Variants in CDV3 observed in about 807,000 individuals in gnomAD.
CDV3 encodes CDV3 homolog.
Under a neutral mutation model 24.5 loss-of-function variants are expected in CDV3, and 14 were observed. The ratio of observed to expected loss-of-function variants is 0.57; its 90% CI spans 0.38 to 0.89. The LOEUF is 0.89. Among genes scored for constraint, CDV3 ranks in the 40% least tolerant of loss-of-function variants. CDV3 has a pLI of 0.00. For synonymous variants in CDV3, 114 were observed against 114.1 expected (o/e 1.00, Z 0.00); for missense variants, 304 against 310.2 (o/e 0.98, Z 0.15).
Position 133,588,010 on chromosome 3 carries a change from T to G in CDV3, c.741T>G (p.Leu247=). 6.2e-7 allele frequency: 1 copy of G among 1,614,000 alleles called. No individual in the cohort carries two copies. The highest frequency in any genetic ancestry group is 1.1e-5 in the South Asian group (1 of 91,078). The change falls in exon 5 of 5, where the codon CTT becomes CTG. Residue 247 remains leucine (L), a synonymous_variant. Coordinates refer to ENST00000264993, the MANE Select transcript of CDV3 (RefSeq NM_017548.5). ...AGCTAGACAACCAATATGCTGTGCT[T>G]GAAAATCAGAAAAGCAGCCACTCAC... ...KLQLDNQYAV[L]ENQKSSHSQY... is the part of the protein sequence containing the mutation.
In CDV3 at chr3:133,574,014, C is replaced by G. The variant is rs201192440; in HGVS notation, c.-31C>G. The stretch of plus-strand genomic sequence containing the variant: ...CCCGCGGGCCGCGCCCGCCGCCGGC[C>G]CCACCCATCCGGGTCGAGGAGGCCG... On this transcript the variant is annotated 5_prime_UTR_variant, in exon 1 of 5. Transcript: ENST00000264993. The G allele has an allele frequency of 3.7e-5, 39 of 1,064,396 alleles. No homozygotes were observed. Among genetic ancestry groups the G allele is most frequent in the African/African-American group, 3.4e-5 (2 of 58,790 alleles). 65.9% of individuals were successfully genotyped at this position (1,064,396 alleles called of 1,614,324 possible). A position where few individuals can be genotyped will look rare whatever the true frequency, so the allele number is the denominator to read the frequency against.
chr3:133,583,887 C>G, intron 2 of CDV3, 115 bp from the exon 3 acceptor site: 1 of 716,972 alleles, frequency 1.4e-6, no homozygotes, highest in Non-Finnish European at 2.3e-6. Flanking sequence ...GACGTTCAGT[C>G]TCGAAAGAGA....
chr3:133,577,946 A>G (rs1434974201), intron 2 of CDV3, among the ~76,000 whole-genome samples: 2 of 152,128 alleles, frequency 1.3e-5, no homozygotes, highest in Non-Finnish European at 2.9e-5. Flanking sequence ...CTGTCATTTG[A>G]GTTAGATCCT....
At chr3:133,575,631 AAC>A in intron 2 of CDV3, among the ~76,000 whole-genome samples, 1 of 152,352 alleles carries the variant, frequency 6.6e-6, no homozygotes, top group South Asian at 2.1e-4. Context: ...TTCCCCTCCT[AAC>A]ACATACTCAC....
chr3:133,574,096 A>T lies in CDV3; in HGVS notation c.52A>T (p.Lys18Ter). The T allele has an allele frequency of 8.8e-7, 1 of 1,131,518 alleles. No individual in the cohort carries two copies. Among genetic ancestry groups the T allele is most frequent in the Non-Finnish European group, 1.1e-6 (1 of 894,278 alleles). The allele number at this position is 1,131,518 out of a possible 1,614,324, so 70.1% of individuals were successfully genotyped here. Residue 18 changes from lysine (K) to a stop codon, truncating the protein, a stop_gained, in exon 1 of 5, where the codon AAG becomes TAG. Transcript: ENST00000264993. LOFTEE classifies it high-confidence loss of function. The part of the protein sequence containing the change: ...SLDNFFAKRD[K>*]KKKKERSNRA... The stretch of plus-strand genomic sequence containing the variant: ...GGACAACTTCTTTGCCAAGAGGGAC[A>T]AGAAGAAGAAGAAGGAGCGGAGCAA...
chr3:133,575,367 T>G (rs921444356), intron 2 of CDV3, among the ~76,000 whole-genome samples: 1 of 152,270 alleles, frequency 6.6e-6, no homozygotes, highest in South Asian at 2.1e-4. Flanking sequence ...GGACTTTTCA[T>G]TTGAGACAGC....
At chr3:133,586,841 G>C (rs1205009048) in intron 4 of CDV3, 119 bp downstream of exon 4, 3 of 646,902 alleles carry the variant, frequency 4.6e-6, no homozygotes, top group South Asian at 4.0e-5. Flanking sequence ...AATAAAGCCT[G>C]AGCTTCAGCT....
Position 133,588,546 on chromosome 3 carries a change from G to T in CDV3, c.*500G>T. On this transcript the variant is annotated 3_prime_UTR_variant, in exon 5 of 5. Coordinates refer to ENST00000264993, the MANE Select transcript of CDV3 (RefSeq NM_017548.5). ...ATCTGGGTTCTGATCTGCTGTAAAAGATGAAGATTTAAGTGACCTTAATTA... is the reference window on the plus strand; with the variant it reads ...ATCTGGGTTCTGATCTGCTGTAAAATATGAAGATTTAAGTGACCTTAATTA... 1 of 648,378 alleles carries T rather than the reference G, an allele frequency of 1.5e-6. No homozygotes were observed. Among genetic ancestry groups the T allele is most frequent in the South Asian group, 1.9e-5 (1 of 52,322 alleles). The allele number at this position is 648,378 out of a possible 1,614,324, so 40.2% of individuals were successfully genotyped here. A position where few individuals can be genotyped will look rare whatever the true frequency, so the allele number is the denominator to read the frequency against.
intron 2 of CDV3, among the ~76,000 whole-genome samples, chr3:133,576,477 T>G (rs2074811758): frequency 6.6e-6 from 1 of 152,234 alleles, no homozygotes; most frequent in South Asian, 2.1e-4. Flanking sequence ...TCTTAAGTCT[T>G]TTCTTTCCTA....
chr3:133,574,561 C>A (rs964446499), intron 1 of CDV3: 1 of 986,104 alleles, frequency 1.0e-6, no homozygotes, highest in Non-Finnish European at 1.2e-6. Context: ...GGTCTGGGGC[C>A]GCAGTGCCCA....
rs762384247 is a variant in CDV3 at position 133,575,018 on chromosome 3, C to G, written c.241-21C>G. 9 of 1,480,380 alleles carry G rather than the reference C, an allele frequency of 6.1e-6. No homozygotes were observed. The South Asian group carries it at 1.0e-4, about 17-fold the overall frequency. 91.7% of individuals were successfully genotyped at this position (1,480,380 alleles called of 1,614,324 possible). A position where few individuals can be genotyped will look rare whatever the true frequency, so the allele number is the denominator to read the frequency against. Reference sequence around the variant, plus strand: ...ATGTCTACAAATAGCTTTAATTGATCAAATGGCGTTTGTTTTACAGGACGA... The same window carrying G: ...ATGTCTACAAATAGCTTTAATTGATGAAATGGCGTTTGTTTTACAGGACGA... On this transcript the variant is annotated intron_variant, in intron 1 of 4. Transcript: ENST00000264993.
intron 2 of CDV3, among the ~76,000 whole-genome samples, chr3:133,580,191 A>G (rs906194945): frequency 6.6e-6 from 1 of 150,484 alleles, no homozygotes; most frequent in East Asian, 2.0e-4. Flanking sequence ...TCATTGTTCA[A>G]CTCCCACTTG....
chr3:133,587,663 CAGTTA>C, intron 4 of CDV3: 1 of 1,265,674 alleles, frequency 7.9e-7, no homozygotes, highest in Non-Finnish European at 1.0e-6. Context: ...AATAGGGTCA[CAGTTA>C]ATACTGTTCA....
At position 133,579,915 on chromosome 3, in the gene CDV3, A is replaced by G. The variant is rs377359206; in HGVS notation, c.318-4087A>G. Among the ~76,000 whole-genome samples, 5 of 152,094 alleles carry G rather than the reference A, an allele frequency of 3.3e-5. No homozygotes were observed. In the East Asian group the frequency reaches 5.8e-4, roughly 18 times the overall value. ...GCTGATAAAGAGTCTTGACTAGACA[A>G]TTTCCACATGTTTAGTTTAGCTAGT... is the stretch of plus-strand genomic sequence containing the variant. On this transcript the variant is annotated intron_variant, in intron 2 of 4. Coordinates refer to ENST00000264993, the MANE Select transcript of CDV3 (RefSeq NM_017548.5).
At chr3:133,587,162 G>A in intron 4 of CDV3, 1 of 1,310,296 alleles carries the variant, frequency 7.6e-7, no homozygotes, top group Non-Finnish European at 1.0e-6. Context: ...ATTTCAGCAG[G>A]TACTTAAAAT....
chr3:133,586,905 G>A (rs370443719), intron 4 of CDV3, among the ~76,000 whole-genome samples, 183 bp downstream of exon 4: 8 of 152,214 alleles, frequency 5.3e-5, no homozygotes, highest in Admixed American at 1.3e-4. Context: ...GGGAGGAAAG[G>A]GGGAGGGCAA....
At position 133,574,187 on chromosome 3, in the gene CDV3, C is replaced by T. The variant is rs777615445; in HGVS notation, c.143C>T (p.Ala48Val). 1 of 1,023,666 alleles carries T rather than the reference C, an allele frequency of 9.8e-7. No homozygotes were observed. Among genetic ancestry groups the T allele is most frequent in the South Asian group, 4.3e-5 (1 of 23,328 alleles). 63.4% of individuals were successfully genotyped at this position (1,023,666 alleles called of 1,614,324 possible). ...GGAAGCAGTGGAGCCGCGGGTGCGG[C>T]GGGCGGCGGGGCGGGCGCGGGGACC... ...AGGSSGAAGA[A>V]GGGAGAGTRP... Residue 48 changes from alanine (A) to valine (V), a missense_variant, in exon 1 of 5, where the codon GCG (alanine) becomes GTG (valine). Transcript: ENST00000264993.
intron 1 of CDV3, chr3:133,574,672 T>G: frequency 1.9e-6 from 2 of 1,033,610 alleles, no homozygotes; most frequent in Non-Finnish European, 2.3e-6. Flanking sequence ...AGCAGCCGCA[T>G]TTGTAGCAGC....
chr3:133,577,568 C>T (rs1276517539), intron 2 of CDV3, among the ~76,000 whole-genome samples: 2 of 152,100 alleles, frequency 1.3e-5, no homozygotes, highest in Non-Finnish European at 2.9e-5. Context: ...CCATGTTGTT[C>T]AGGCTGGTCT....
Sources: gnomAD v4.1 joint callset for allele counts (sites outside exome capture counted in the v4.1 genomes callset) on GRCh38, gnomAD v4.1.1 for gene constraint, MANE v1.5 for transcripts, NCBI Gene and HGNC (gene_info 2026-07-23, HGNC 2026-07-21) for gene names.